NGLY1: variants seen among roughly 807,000 people sequenced by gnomAD.
NGLY1 encodes the protein peptide-N(4)-(N-acetyl-beta-glucosaminyl)asparagine amidase.
In NGLY1, 68 loss-of-function variants were observed where a neutral mutation model predicts 84.6. That is an observed-to-expected ratio of 0.80 (90% CI 0.66 to 0.98). The LOEUF is 0.98. Among genes scored for constraint, NGLY1 ranks in the 50% least tolerant of loss-of-function variants. The pLI is 0.00. For missense variants in NGLY1, 779 were observed against 770.2 expected, an observed-to-expected ratio of 1.01 and a Z score of -0.14; for synonymous variants, 280 against 275.2, an observed-to-expected ratio of 1.02 and a Z score of -0.17.
upstream of NGLY1, among the ~76,000 whole-genome samples, chr3:25,787,699 G>A (rs1386770613): frequency 2.0e-5 from 3 of 152,138 alleles, no homozygotes; most frequent in Non-Finnish European, 4.4e-5. Context: ...TACCATGAAG[G>A]CTAGCATATG....
At chr3:25,748,912 A>T (rs957724672) in intron 4 of NGLY1, among the ~76,000 whole-genome samples, 2 of 152,152 alleles carry the variant, frequency 1.3e-5, no homozygotes, top group Admixed American at 6.6e-5. Flanking sequence ...AAAAAAAAAA[A>T]GTTTTTAAAA....
rs755157630 is a variant in NGLY1 at position 25,729,220 on chromosome 3, T to C, written c.1524A>G (p.Ser508=). 1.3e-6 allele frequency: 2 copies of C among 1,567,366 alleles called. No individual in the cohort carries two copies. Among genetic ancestry groups the C allele is most frequent in the Non-Finnish European group, 1.7e-6 (2 of 1,153,340 alleles). The change falls in exon 10 of 12, where the codon TCA becomes TCG. Residue 508 remains serine (S), a synonymous_variant. Transcript: ENST00000280700. ...NIVKDRYVRV[S]NNNQTISGWE... ...ATCCAGAAATGGTTTGATTGTTATT[T>C]GAAACTCGAACATAACGATCTTTCA...
At chr3:25,789,911 C>G in exon 1 of NGLY1, 15 of 1,551,522 alleles carry the variant, frequency 9.7e-6, no homozygotes, top group Non-Finnish European at 1.3e-5. Flanking sequence ...ACTGAGGTTC[C>G]GAGAGGGGCG....
chr3:25,720,930 C>A (rs147472198), intron 10 of NGLY1, among the ~76,000 whole-genome samples: 1 of 150,200 alleles, frequency 6.7e-6, no homozygotes, highest in Non-Finnish European at 1.5e-5. Context: ...TCATCCCTTA[C>A]GTCTGAATTC....
rs1353013215 is a variant in NGLY1 at position 25,719,635 on chromosome 3, T to C, written c.1790A>G (p.Asp597Gly). ...SDTAQVELTGDNSLHSYADFS... is the reference protein window; with the variant it reads ...SDTAQVELTGGNSLHSYADFS... ...ATCAGCATAGGAGTGAAGACTGTTATCTGTTAGAGGGAAAAAAAAAATTAA... is the reference window on the plus strand; with the variant it reads ...ATCAGCATAGGAGTGAAGACTGTTACCTGTTAGAGGGAAAAAAAAAATTAA... Residue 597 changes from aspartate to glycine, a missense_variant and splice_region_variant, in exon 12 of 12, where the codon GAT becomes GGT. Transcript: ENST00000280700. 1.9e-6 allele frequency: 3 copies of C among 1,608,998 alleles called. No individual in the cohort carries two copies. The highest frequency in any genetic ancestry group is 1.7e-4 in the Middle Eastern group (1 of 6,032).
intron 2 of NGLY1, among the ~76,000 whole-genome samples, chr3:25,768,898 C>A (rs1448595615): frequency 6.6e-6 from 1 of 151,876 alleles, no homozygotes; most frequent in Non-Finnish European, 1.5e-5. Context: ...CAAAAGGTAT[C>A]ACATCAAATT....
At chr3:25,758,793 G>A (rs1157757376) in intron 3 of NGLY1, among the ~76,000 whole-genome samples, 7 of 152,120 alleles carry the variant, frequency 4.6e-5, no homozygotes, top group Admixed American at 4.6e-4. Context: ...ACGTATATAA[G>A]AAATAAAGAT....
rs542701688 is a variant in NGLY1 at position 25,767,787 on chromosome 3, T to C, written c.247-3476A>G. On this transcript the variant is annotated intron_variant, in intron 2 of 11. Transcript: ENST00000280700. ...TGCAGAGGAATGAAACCAGATCCCA[T>C]CTGTATCTTACCATATACAAAAATC... Among the ~76,000 whole-genome samples the C allele has an allele frequency of 7.9e-5, 12 of 152,242 alleles. No homozygotes were observed. In the East Asian group the frequency reaches 2.1e-3, roughly 27 times the overall value.
upstream of NGLY1, among the ~76,000 whole-genome samples, chr3:25,787,722 C>A (rs920932118): frequency 6.6e-6 from 1 of 152,180 alleles, no homozygotes; most frequent in Non-Finnish European, 1.5e-5. Context: ...CTCTGAACTA[C>A]GGGATTAAAT....
intron 4 of NGLY1, among the ~76,000 whole-genome samples, chr3:25,743,269 A>G (rs1193831470): frequency 6.6e-6 from 1 of 152,146 alleles, no homozygotes; most frequent in African/African-American, 2.4e-5. Context: ...TATTTCACCA[A>G]GTTTGTGGTA....
chr3:25,751,319 T>C, intron 3 of NGLY1, 56 bp from the exon 4 acceptor site: 1 of 1,346,502 alleles, frequency 7.4e-7, no homozygotes, highest in South Asian at 1.7e-5. Context: ...ACAAAAATAA[T>C]ATATAATAAA....
rs964624944 is a variant in NGLY1 at position 25,778,656 on chromosome 3, C to T, written c.164G>A (p.Arg55Gln). 7 of 1,610,924 alleles carry T rather than the reference C, an allele frequency of 4.3e-6. No individual in the cohort carries two copies. The highest frequency in any genetic ancestry group is 5.9e-6 in the Non-Finnish European group (7 of 1,178,580). Reference protein sequence around the residue: ...NPNDEKYRSIRIGNTAFSTRL... With the variant: ...NPNDEKYRSIQIGNTAFSTRL... Reference sequence around the variant, plus strand: ...AGTAGAAAAGGCTGTGTTTCCAATCCGGATGGATCTATATTTTTCATCATT... The same window carrying T: ...AGTAGAAAAGGCTGTGTTTCCAATCTGGATGGATCTATATTTTTCATCATT... The change falls in exon 2 of 12, where the codon CGG (arginine) becomes CAG (glutamine). Residue 55 changes from arginine (R) to glutamine (Q), a missense_variant. Coordinates refer to ENST00000280700, the MANE Select transcript of NGLY1 (RefSeq NM_018297.4).
intron 4 of NGLY1, among the ~76,000 whole-genome samples, chr3:25,743,787 A>T (rs2125495804): frequency 6.6e-6 from 1 of 152,348 alleles, no homozygotes; most frequent in East Asian, 1.9e-4. Flanking sequence ...AGGAAAACAG[A>T]GTATTTGTAC....
Position 25,748,058 on chromosome 3 carries a change from A to G in NGLY1, c.658+3040T>C, listed in dbSNP as rs1706530391. 5.9e-5 allele frequency among the ~76,000 whole-genome samples: 9 copies of G among 152,264 alleles called. No individual in the cohort carries two copies. In the South Asian group the frequency reaches 1.9e-3, roughly 32 times the overall value. The stretch of plus-strand genomic sequence containing the variant: ...TTCACAATTAAGGCCTCTCCAGGGA[A>G]AAAGATTTTACCAGAGTCTTCTCTG... On this transcript the variant is annotated intron_variant, in intron 4 of 11. Transcript: ENST00000280700.
chr3:25,725,617 A>C (rs1305374568), intron 10 of NGLY1, among the ~76,000 whole-genome samples: 1 of 152,192 alleles, frequency 6.6e-6, no homozygotes, highest in Non-Finnish European at 1.5e-5. Flanking sequence ...CAGGAAGATC[A>C]TGTTAGAATT....
chr3:25,719,668 C>T (rs1575603589), intron 11 of NGLY1, 33 bp from the exon 12 acceptor site: 1 of 1,573,834 alleles, frequency 6.4e-7, no homozygotes, highest in Non-Finnish European at 8.7e-7. Context: ...TAACATTTTG[C>T]TTTTGGTAAT....
At chr3:25,730,700 G>A (rs1281046934) in intron 9 of NGLY1, 1 of 152,076 alleles carries the variant, frequency 6.6e-6, no homozygotes, top group Non-Finnish European at 1.5e-5. Flanking sequence ...CAGACGATGG[G>A]ATAAATTAAA....
intron 4 of NGLY1, among the ~76,000 whole-genome samples, chr3:25,740,733 T>C (rs1706095887): frequency 6.6e-6 from 1 of 152,174 alleles, no homozygotes; most frequent in Non-Finnish European, 1.5e-5. Context: ...TTTATGTTCC[T>C]GGAGGGAAAA....
At chr3:25,755,192 T>A (rs1706977330) in intron 3 of NGLY1, 1 of 1,336,858 alleles carries the variant, frequency 7.5e-7, no homozygotes, top group African/African-American at 1.4e-5. Context: ...CCCAAGAGGT[T>A]TCTTACTGGA....
Sources: gnomAD v4.1 joint callset for allele counts (sites outside exome capture counted in the v4.1 genomes callset) on GRCh38, gnomAD v4.1.1 for gene constraint, MANE v1.5 for transcripts, NCBI Gene and HGNC (gene_info 2026-07-23, HGNC 2026-07-21) for gene names.